SLC4A4: variants seen among roughly 807,000 people sequenced by gnomAD.
SLC4A4 encodes the protein solute carrier family 4 member 4.
A neutral mutation model predicts 111.5 loss-of-function variants in SLC4A4; 27 were observed. The observed-to-expected ratio is 0.24, with a 90% CI of 0.18 to 0.33. The LOEUF (loss-of-function observed/expected upper bound fraction) is 0.33. Ranked by LOEUF, SLC4A4 falls within the 10% of genes least tolerant of loss-of-function variation. The probability of loss-of-function intolerance (pLI) is 1.00; values close to 1 mark genes in which losing one functional copy is unlikely to be tolerated. For synonymous variants in SLC4A4, 443 were observed against 463.4 expected, an observed-to-expected ratio of 0.96 and a Z score of 0.57; for missense variants, 909 against 1,315.5, an observed-to-expected ratio of 0.69 and a Z score of 4.78.
In SLC4A4 at chr4:71,092,993, G is replaced by A. The variant is rs955751705; in HGVS notation, c.-2+201G>A. The stretch of plus-strand genomic sequence containing the variant: ...GCCTGTAGTCCCAGCTACTCGGGAG[G>A]CTGAGGCAGGAGAATCACTTGAACT... On this transcript the variant is annotated intron_variant, in intron 2 of 26. Transcript: ENST00000649996. Among the ~76,000 whole-genome samples, 3 of 149,722 alleles carry A rather than the reference G, an allele frequency of 2.0e-5. No individual in the cohort carries two copies. In the South Asian group the frequency reaches 6.3e-4, roughly 32 times the overall value.
At position 71,144,659 on chromosome 4, in the gene SLC4A4, T is replaced by G. The variant is rs529867028; in HGVS notation, c.-2+51867T>G. Among the ~76,000 whole-genome samples, 17 of 151,798 alleles carry G rather than the reference T, an allele frequency of 1.1e-4. No homozygotes were observed. In the South Asian group the frequency reaches 2.7e-3, roughly 24 times the overall value. ...TTGTAGTTCTCCTTGAAGAGGTCCT[T>G]CACATCCCTTGTAAGTTGGAGTCCT... On this transcript the variant is annotated intron_variant, in intron 2 of 26. Coordinates refer to the SLC4A4 transcript ENST00000649996.
intron 16 of SLC4A4, among the ~76,000 whole-genome samples, chr4:71,501,818 T>C (rs1230774059): frequency 6.6e-6 from 1 of 151,280 alleles, no homozygotes; most frequent in Non-Finnish European, 1.5e-5. Flanking sequence ...CGTGCCACCA[T>C]GGGACCTGGC....
chr4:71,167,809 G>T (rs1235387987), intron 2 of SLC4A4, among the ~76,000 whole-genome samples: 1 of 152,062 alleles, frequency 6.6e-6, no homozygotes, highest in Admixed American at 6.6e-5. Flanking sequence ...AGTCACCTTT[G>T]ATTTTTCTTG....
chr4:71,436,787 A>G (rs1032317817), intron 7 of SLC4A4, among the ~76,000 whole-genome samples: 2 of 152,208 alleles, frequency 1.3e-5, no homozygotes, highest in South Asian at 2.1e-4. Flanking sequence ...CAAGTTGTCC[A>G]TAATCCTTCC....
intron 12 of SLC4A4, 90 bp from the exon 13 acceptor site, chr4:71,466,354 A>G: frequency 7.0e-7 from 1 of 1,426,800 alleles, no homozygotes; most frequent in Non-Finnish European, 9.9e-7. Context: ...TCCTAATAGT[A>G]TATTCACGTG....
chr4:71,528,513 T>C (rs1733611279), intron 16 of SLC4A4, among the ~76,000 whole-genome samples: 1 of 152,056 alleles, frequency 6.6e-6, no homozygotes, highest in African/African-American at 2.4e-5. Flanking sequence ...AGAGCGAAAA[T>C]TGGAAAATCA....
chr4:71,541,467 A>T (rs1735052026), intron 18 of SLC4A4, among the ~76,000 whole-genome samples: 1 of 152,224 alleles, frequency 6.6e-6, no homozygotes, highest in Non-Finnish European at 1.5e-5. Flanking sequence ...CAATTCAAAG[A>T]GTGGCACATA....
chr4:71,244,426 T>C (rs182412445), intron 2 of SLC4A4, among the ~76,000 whole-genome samples: 1 of 152,290 alleles, frequency 6.6e-6, no homozygotes, highest in African/African-American at 2.4e-5. Flanking sequence ...ACCTGAAAAA[T>C]ACCTTGATAC....
intron 6 of SLC4A4, among the ~76,000 whole-genome samples, chr4:71,364,059 C>T (rs1731032836): frequency 6.6e-6 from 1 of 152,206 alleles, no homozygotes; most frequent in Non-Finnish European, 1.5e-5. Context: ...CTCCAAGGGT[C>T]AATCTCTCTC....
intron 1 of SLC4A4, among the ~76,000 whole-genome samples, chr4:71,198,032 A>G (rs556651608): frequency 6.6e-6 from 1 of 152,232 alleles, no homozygotes; most frequent in Admixed American, 6.5e-5. Context: ...TGAAGTCCAA[A>G]TGTTGTTCCT....
intron 6 of SLC4A4, among the ~76,000 whole-genome samples, chr4:71,363,376 GCTGGGACCACCGCCAGGTCTGGTAGCTTT>G (rs1178305970): frequency 6.6e-6 from 1 of 152,036 alleles, no homozygotes; most frequent in Non-Finnish European, 1.5e-5. Context: ...TTTGGATCTG[GCTGGGACCACCGCCAGGTCTGGTAGCTTT>G]CTCGTTCCCT....
At chr4:71,299,760 G>A (rs1297568817) in intron 3 of SLC4A4, among the ~76,000 whole-genome samples, 1 of 152,208 alleles carries the variant, frequency 6.6e-6, no homozygotes, top group African/African-American at 2.4e-5. Context: ...ATCCGTGGCA[G>A]TTGGTCCTTC....
intron 3 of SLC4A4, among the ~76,000 whole-genome samples, chr4:71,313,393 C>G (rs1726377599): frequency 6.6e-6 from 1 of 152,166 alleles, no homozygotes; most frequent in Non-Finnish European, 1.5e-5. Flanking sequence ...CATCAAGCCA[C>G]CACTGACTTT....
At position 71,344,240 on chromosome 4, in the gene SLC4A4, A is replaced by C; in HGVS notation, c.389+4735A>C. Among the ~76,000 whole-genome samples, 2 of 152,182 alleles carry C rather than the reference A, an allele frequency of 1.3e-5. 1 individual carries two copies. The highest frequency in any genetic ancestry group is 2.9e-5 in the Non-Finnish European group (2 of 68,032). On this transcript the variant is annotated intron_variant, in intron 4 of 25. Coordinates refer to ENST00000264485, the MANE Select transcript of SLC4A4 (RefSeq NM_001098484.3). The stretch of plus-strand genomic sequence containing the variant: ...TGGTTAATAGAATCAATGAATAGAG[A>C]AATAGAACCTTGATTCTTGGTTTGC...
chr4:71,138,788 G>A (rs2148965148), intron 2 of SLC4A4, among the ~76,000 whole-genome samples: 1 of 152,246 alleles, frequency 6.6e-6, no homozygotes, highest in African/African-American at 2.4e-5. Context: ...TGTAATCCCA[G>A]CACTTTGGGA....
rs564311861 is a variant in SLC4A4, at chr4:71,140,167, C to A, written c.-2+47375C>A. Among the ~76,000 whole-genome samples, 74 of 152,284 alleles carry A rather than the reference C, an allele frequency of 4.9e-4. 1 individual carries two copies. The highest frequency in any genetic ancestry group is 2.4e-3 in the Admixed American group (37 of 15,286). On this transcript the variant is annotated intron_variant, in intron 2 of 26. Coordinates refer to the SLC4A4 transcript ENST00000649996. ...AGGCATAGTGGCTCACGCTTGTAAT[C>A]CCGGACCTTTGGGAGACGAAGGTAG...
chr4:71,395,241 G>A (rs1719709304), intron 6 of SLC4A4, among the ~76,000 whole-genome samples: 1 of 152,100 alleles, frequency 6.6e-6, no homozygotes, highest in South Asian at 2.1e-4. Context: ...AAGTCAGGAT[G>A]GGGAGTTTGG....
intron 2 of SLC4A4, among the ~76,000 whole-genome samples, chr4:71,131,975 T>C (rs1289356623): frequency 6.6e-6 from 1 of 152,198 alleles, no homozygotes; most frequent in Non-Finnish European, 1.5e-5. Context: ...TGTCTCTGAA[T>C]CTACTGGCAC....
At chr4:71,182,657 G>GA (rs1164317711), upstream of SLC4A4, among the ~76,000 whole-genome samples, 11 of 151,812 alleles carry the variant, frequency 7.2e-5, 1 homozygote, top group East Asian at 1.2e-3. Context: ...GGATACAAAG[G>GA]AAAAAACACC....
Sources: allele counts gnomAD v4.1 joint callset (sites outside exome capture counted in the v4.1 genomes callset), GRCh38; gene constraint gnomAD v4.1.1; transcripts MANE v1.5; gene names NCBI Gene and HGNC (gene_info 2026-07-23, HGNC 2026-07-21).